Variants in PDE7B observed in about 807,000 individuals in gnomAD.
PDE7B encodes the protein phosphodiesterase 7B.
Under a neutral mutation model 56.2 loss-of-function variants are expected in PDE7B, and 29 were observed. The ratio of observed to expected loss-of-function variants is 0.52; its 90% CI spans 0.38 to 0.70. PDE7B has a LOEUF of 0.70. Ranked by LOEUF, PDE7B falls within the 30% of genes least tolerant of loss-of-function variation. The pLI is 0.00. For missense variants in PDE7B, 490 were observed against 565.0 expected (o/e 0.87, Z 1.35); for synonymous variants, 197 against 196.9 (o/e 1.00, Z 0.00).
At chr6:135,996,722 T>C (rs947875520) in intron 2 of PDE7B, among the ~76,000 whole-genome samples, 1 of 152,240 alleles carries the variant, frequency 6.6e-6, no homozygotes, top group African/African-American at 2.4e-5. Context: ...TATCTTAGTC[T>C]TGTTTTGATC....
At chr6:135,876,616 T>A (rs1231826655) in intron 1 of PDE7B, among the ~76,000 whole-genome samples, 1 of 152,070 alleles carries the variant, frequency 6.6e-6, no homozygotes, top group Non-Finnish European at 1.5e-5. Context: ...CCCAGCACTT[T>A]GGGAGGCTGA....
At chr6:136,157,691 A>G (rs141567726) in intron 8 of PDE7B, among the ~76,000 whole-genome samples, 1 of 152,294 alleles carries the variant, frequency 6.6e-6, no homozygotes, top group East Asian at 1.9e-4. Context: ...GGAAGGAGAA[A>G]CTGATTCTGC....
intron 3 of PDE7B, among the ~76,000 whole-genome samples, chr6:136,126,240 T>C (rs1778021287): frequency 6.6e-6 from 1 of 152,138 alleles, no homozygotes; most frequent in Admixed American, 6.5e-5. Flanking sequence ...GGCGAACAAC[T>C]TCTGGGAAAG....
At position 136,004,123 on chromosome 6, in the gene PDE7B, G is replaced by T. The variant is rs567701674; in HGVS notation, c.82+56599G>T. Among the ~76,000 whole-genome samples, 873 of 152,234 alleles carry T rather than the reference G, an allele frequency of 5.7e-3. 6 individuals are homozygous for T. Among genetic ancestry groups the T allele is most frequent in the African/African-American group, 0.02 (816 of 41,524 alleles). On this transcript the variant is annotated intron_variant, in intron 2 of 12. Coordinates refer to ENST00000308191, the MANE Select transcript of PDE7B (RefSeq NM_018945.4). ...AAATCACATGATTATCTCAATAGAT[G>T]CAGAAAAGGCCTTTGACAAAATTCA...
At chr6:135,855,538 A>C (rs918315884) in intron 1 of PDE7B, among the ~76,000 whole-genome samples, 15 of 152,198 alleles carry the variant, frequency 9.9e-5, no homozygotes, top group African/African-American at 3.6e-4. Context: ...TAATGTGATT[A>C]ATTAAGTGCA....
At chr6:135,855,781 C>A (rs896057307) in intron 1 of PDE7B, among the ~76,000 whole-genome samples, 2 of 152,122 alleles carry the variant, frequency 1.3e-5, no homozygotes, top group Non-Finnish European at 2.9e-5. Context: ...CAGCAGGCAT[C>A]TGATACAAGC....
At chr6:136,182,139 G>A (rs1323769528) in intron 11 of PDE7B, among the ~76,000 whole-genome samples, 2 of 152,170 alleles carry the variant, frequency 1.3e-5, no homozygotes, top group Non-Finnish European at 2.9e-5. Flanking sequence ...TAGCAACAGT[G>A]AGCCTTTTGG....
chr6:136,134,378 T>C (rs553924612), intron 3 of PDE7B, among the ~76,000 whole-genome samples: 1 of 152,248 alleles, frequency 6.6e-6, no homozygotes, highest in African/African-American at 2.4e-5. Context: ...AGACTTAGAA[T>C]CAACTCAAAG....
At chr6:135,958,390 TGTC>T (rs767618813) in intron 2 of PDE7B, among the ~76,000 whole-genome samples, 1 of 152,286 alleles carries the variant, frequency 6.6e-6, no homozygotes, top group South Asian at 2.1e-4. Flanking sequence ...CCAGAGACAA[TGTC>T]ATTTTTAATT....
At chr6:136,137,884 T>C (rs985368604) in intron 3 of PDE7B, among the ~76,000 whole-genome samples, 3 of 152,140 alleles carry the variant, frequency 2.0e-5, no homozygotes, top group African/African-American at 7.2e-5. Context: ...TGTGTTAATA[T>C]GTAGATATCT....
At chr6:136,151,059 T>TATCA in intron 5 of PDE7B, 101 bp from the exon 6 acceptor site, 2 of 650,672 alleles carry the variant, frequency 3.1e-6, no homozygotes, top group Admixed American at 2.5e-5. Flanking sequence ...AAAAATATTC[T>TATCA]ATCACAGAAA....
chr6:136,062,471 G>A (rs1776861071), intron 2 of PDE7B, among the ~76,000 whole-genome samples: 1 of 152,074 alleles, frequency 6.6e-6, no homozygotes, highest in African/African-American at 2.4e-5. Context: ...TGGGAGTACA[G>A]GTGACATAAT....
In PDE7B at chr6:136,068,505, A is replaced by AC. The variant is rs1321789875; in HGVS notation, c.83-40225dup. 2.2e-5 allele frequency among the ~76,000 whole-genome samples: 3 copies of AC among 136,876 alleles called. No individual in the cohort carries two copies. In the East Asian group the frequency reaches 6.5e-4, roughly 30 times the overall value. 89.8% of individuals were successfully genotyped at this position (136,876 alleles called of 152,430 possible). On this transcript the variant is annotated intron_variant, in intron 2 of 12. Transcript: ENST00000308191. ...GAGTGCAGTGGCGCGATCTCGGCTG[A>AC]CTGCAAGCTCCGCCTCCCGGGTTCA...
At chr6:135,873,385 T>G (rs1055664864) in intron 1 of PDE7B, among the ~76,000 whole-genome samples, 5 of 152,210 alleles carry the variant, frequency 3.3e-5, no homozygotes, top group African/African-American at 1.2e-4. Context: ...TCCACAAATA[T>G]GCACAAAATT....
At chr6:136,155,800 C>G in intron 8 of PDE7B, 42 bp downstream of exon 8, 2 of 1,603,312 alleles carry the variant, frequency 1.2e-6, no homozygotes, top group East Asian at 2.2e-5. Context: ...TATGGTCAAT[C>G]GCCTTAGGCC....
At chr6:135,871,685 A>G (rs1268877855) in intron 1 of PDE7B, among the ~76,000 whole-genome samples, 1 of 152,198 alleles carries the variant, frequency 6.6e-6, no homozygotes, top group Non-Finnish European at 1.5e-5. Context: ...GCCTGAAGGA[A>G]GTCACTAACT....
At chr6:135,982,785 C>A (rs1775318091) in intron 2 of PDE7B, among the ~76,000 whole-genome samples, 1 of 152,080 alleles carries the variant, frequency 6.6e-6, no homozygotes, top group East Asian at 1.9e-4. Flanking sequence ...GTGCCAAATG[C>A]AACACGTGGC....
chr6:136,029,769 C>T (rs1273886014), intron 2 of PDE7B, among the ~76,000 whole-genome samples: 1 of 152,114 alleles, frequency 6.6e-6, no homozygotes, highest in African/African-American at 2.4e-5. Flanking sequence ...TAATAAAGAT[C>T]TTAGACACAT....
intron 1 of PDE7B, among the ~76,000 whole-genome samples, chr6:135,934,445 G>A (rs1042142912): frequency 2.0e-5 from 3 of 151,476 alleles, no homozygotes; most frequent in Non-Finnish European, 2.9e-5. Flanking sequence ...TATATATTCG[G>A]GCCCAGTGCA....
Sources: allele counts gnomAD v4.1 joint callset (sites outside exome capture counted in the v4.1 genomes callset), GRCh38; gene constraint gnomAD v4.1.1; transcripts MANE v1.5; gene names NCBI Gene and HGNC (gene_info 2026-07-23, HGNC 2026-07-21).